Variants in FIG4 observed in about 807,000 individuals in gnomAD.
FIG4 encodes the protein polyphosphoinositide phosphatase.
In FIG4, 112 loss-of-function variants were observed where a neutral mutation model predicts 118.6. That is an observed-to-expected ratio of 0.94 (90% CI 0.81 to 1.11). The LOEUF is 1.11. FIG4 is among the 50% of genes least tolerant of loss of function. The pLI is 0.00. For missense variants in FIG4, 969 were observed against 1,111.7 expected (o/e 0.87, Z 1.83); for synonymous variants, 369 against 381.2 (o/e 0.97, Z 0.37).
At chr6:109,745,471 G>A (rs1269209039) in intron 10 of FIG4, among the ~76,000 whole-genome samples, 1 of 151,972 alleles carries the variant, frequency 6.6e-6, no homozygotes, top group Non-Finnish European at 1.5e-5. Flanking sequence ...CATATCCTTC[G>A]CCTACTTTTT....
chr6:109,778,516 C>G (rs1020940232), intron 16 of FIG4, among the ~76,000 whole-genome samples: 1 of 151,532 alleles, frequency 6.6e-6, no homozygotes, highest in Non-Finnish European at 1.5e-5. Flanking sequence ...GAATCATTGC[C>G]AGTCTGTGCT....
At chr6:109,823,657 G>C (rs1779075683) in intron 22 of FIG4, among the ~76,000 whole-genome samples, 1 of 152,086 alleles carries the variant, frequency 6.6e-6, no homozygotes, top group African/African-American at 2.4e-5. Context: ...AGACCCAGCT[G>C]GGTCTGAGGT....
chr6:109,695,837 G>GCAGCCACTT (rs2128377266), intron 1 of FIG4, among the ~76,000 whole-genome samples: 1 of 152,326 alleles, frequency 6.6e-6, no homozygotes, highest in South Asian at 2.1e-4. Flanking sequence ...CAGCTGATCT[G>GCAGCCACTT]GGTGAAACAG....
chr6:109,809,868 A>G (rs754803812), intron 22 of FIG4, among the ~76,000 whole-genome samples: 7 of 152,180 alleles, frequency 4.6e-5, no homozygotes, highest in Non-Finnish European at 8.8e-5. Context: ...CAGATGGGCA[A>G]GCTCCAGAGC....
chr6:109,707,327 A>G (rs1309699851), intron 1 of FIG4, among the ~76,000 whole-genome samples: 1 of 145,246 alleles, frequency 6.9e-6, no homozygotes, highest in East Asian at 2.0e-4. Context: ...ATATATATGT[A>G]TAGGTATATA....
At chr6:109,818,201 A>G (rs1778913134) in intron 22 of FIG4, among the ~76,000 whole-genome samples, 1 of 149,660 alleles carries the variant, frequency 6.7e-6, no homozygotes, top group Admixed American at 6.6e-5. Context: ...TATTCACATA[A>G]CTTTTTTTTT....
intron 15 of FIG4, among the ~76,000 whole-genome samples, chr6:109,776,393 A>G (rs1246265642): frequency 6.6e-6 from 1 of 152,208 alleles, no homozygotes; most frequent in East Asian, 1.9e-4. Flanking sequence ...TGTTGTAAAC[A>G]TTGTCTCTGT....
intron 22 of FIG4, among the ~76,000 whole-genome samples, chr6:109,824,378 A>G (rs936740511): frequency 6.6e-6 from 1 of 152,224 alleles, no homozygotes; most frequent in African/African-American, 2.4e-5. Flanking sequence ...GCCATGTCCA[A>G]TAGTTAGACA....
intron 15 of FIG4, among the ~76,000 whole-genome samples, chr6:109,772,335 G>A (rs1219784082): frequency 6.6e-6 from 1 of 152,068 alleles, no homozygotes; most frequent in African/African-American, 2.4e-5. Flanking sequence ...ATCACATTCA[G>A]CTTTTGACTA....
chr6:109,691,626 A>G (rs529715994), intron 1 of FIG4, 125 bp downstream of exon 1: 25 of 923,532 alleles, frequency 2.7e-5, no homozygotes, highest in Admixed American at 2.2e-4. Flanking sequence ...AATCCCTGTC[A>G]AACACAGCCT....
rs1163252833 is a variant in FIG4, at chr6:109,730,326, GACATGAGCC to G, written c.447-2307_447-2299del. ...GGCCTCCCAAAGTCCTGGGATTACA[GACATGAGCC>G]ACAGGGCCTGGCCAGTTTATAAATT... On this transcript the variant is annotated intron_variant, in intron 4 of 22. Transcript: ENST00000230124. Among the ~76,000 whole-genome samples, 10 of 152,304 alleles carry G rather than the reference GACATGAGCC, an allele frequency of 6.6e-5. No individual in the cohort carries two copies. The South Asian group carries it at 2.1e-3, about 32-fold the overall frequency.
chr6:109,706,643 G>T (rs1775074948), intron 1 of FIG4, among the ~76,000 whole-genome samples: 1 of 152,132 alleles, frequency 6.6e-6, no homozygotes, highest in East Asian at 1.9e-4. Context: ...ATCTTACAAA[G>T]TGAAGGACAG....
At chr6:109,760,561 T>C (rs931364695) in intron 11 of FIG4, among the ~76,000 whole-genome samples, 178 bp downstream of exon 11, 5 of 152,220 alleles carry the variant, frequency 3.3e-5, no homozygotes, top group Admixed American at 2.0e-4. Context: ...TCTTTTTGCC[T>C]ATCATATATA....
intron 1 of FIG4, among the ~76,000 whole-genome samples, chr6:109,699,977 G>A (rs953270611): frequency 5.3e-5 from 8 of 152,184 alleles, no homozygotes; most frequent in Admixed American, 6.5e-5. Flanking sequence ...CACAATGGAA[G>A]GAGCAAATAA....
intron 1 of FIG4, among the ~76,000 whole-genome samples, chr6:109,711,889 G>T (rs1775276541): frequency 6.6e-6 from 1 of 152,174 alleles, no homozygotes; most frequent in South Asian, 2.1e-4. Flanking sequence ...TTTTCTAGTG[G>T]CTGAGAATGG....
chr6:109,743,725 A>T lies in FIG4; in HGVS notation c.1090A>T (p.Met364Leu), dbSNP rs2295837. The change falls in exon 10 of 23, where the codon ATG becomes TTG. Residue 364 changes from methionine (M) to leucine (L), a missense_variant. By Grantham distance (15) the Met-to-Leu change is conservative. Coordinates refer to ENST00000230124, the MANE Select transcript of FIG4 (RefSeq NM_014845.6). ...TGTGGCTGCCCTTCACTTTGACCAG[A>T]TGTTCCAGAGGTTTGGCTCTCCCAT... The part of the protein sequence containing the change: ...AHVAALHFDQ[M>L]FQRFGSPIII... 80,503 of 1,612,658 alleles carry T rather than the reference A, an allele frequency of 0.05. 3,876 individuals carry two copies. Among genetic ancestry groups the T allele is most frequent in the East Asian group, 0.24 (10,566 of 44,808 alleles).
intron 16 of FIG4, among the ~76,000 whole-genome samples, chr6:109,783,695 G>A (rs1387543096): frequency 1.3e-5 from 2 of 152,200 alleles, no homozygotes; most frequent in African/African-American, 2.4e-5. Context: ...TCAAAGCCTT[G>A]TTATTGAAAA....
At chr6:109,723,118 C>T (rs1775660959) in intron 3 of FIG4, among the ~76,000 whole-genome samples, 1 of 152,160 alleles carries the variant, frequency 6.6e-6, no homozygotes, top group Non-Finnish European at 1.5e-5. Flanking sequence ...TTTCTGTATG[C>T]CCTTAGGGCA....
chr6:109,753,561 G>C (rs1250006599), intron 10 of FIG4, among the ~76,000 whole-genome samples: 1 of 152,108 alleles, frequency 6.6e-6, no homozygotes, highest in Non-Finnish European at 1.5e-5. Flanking sequence ...AATATTGATT[G>C]TTCCTACCCG....
Sources: gnomAD v4.1 joint callset for allele counts (sites outside exome capture counted in the v4.1 genomes callset) on GRCh38, gnomAD v4.1.1 for gene constraint, MANE v1.5 for transcripts, NCBI Gene and HGNC (gene_info 2026-07-23, HGNC 2026-07-21) for gene names.